NELL1: variants seen among roughly 807,000 people sequenced by gnomAD.
NELL1 encodes the protein neural EGFL like 1.
In NELL1, 76 loss-of-function variants were observed where a neutral mutation model predicts 107.4. The observed-to-expected ratio is 0.71, with a 90% CI of 0.59 to 0.86. The LOEUF is 0.86. Ranked by LOEUF, NELL1 falls within the 40% of genes least tolerant of loss-of-function variation. The pLI, the probability that NELL1 is intolerant of heterozygous loss-of-function variation, is 0.00. For missense variants in NELL1, 1,024 were observed against 1,005.5 expected (o/e 1.02, Z -0.25); for synonymous variants, 353 against 341.2 (o/e 1.03, Z -0.38).
chr11:21,314,702 G>C (rs919586373), intron 14 of NELL1, among the ~76,000 whole-genome samples: 2 of 152,158 alleles, frequency 1.3e-5, no homozygotes, highest in African/African-American at 4.8e-5. Flanking sequence ...AACAGGCAGA[G>C]GACAGGTACT....
At chr11:21,255,893 C>T (rs1349921691) in intron 14 of NELL1, among the ~76,000 whole-genome samples, 1 of 151,872 alleles carries the variant, frequency 6.6e-6, no homozygotes, top group Non-Finnish European at 1.5e-5. Context: ...TTGGAATTTT[C>T]TCTGGGTTTC....
intron 13 of NELL1, among the ~76,000 whole-genome samples, chr11:21,132,207 A>G (rs559275640): frequency 6.6e-6 from 1 of 150,940 alleles, no homozygotes; most frequent in Non-Finnish European, 1.5e-5. Context: ...GTGTGTGTGC[A>G]TGTCTGTGTG....
chr11:21,336,647 G>GTATATATATATATA (rs1350044303), intron 14 of NELL1, among the ~76,000 whole-genome samples: 8 of 70,700 alleles, frequency 1.1e-4, no homozygotes, highest in African/African-American at 3.3e-4. Context: ...CTTCATATGT[G>GTATATATATATATA]TGTGTATATA....
chr11:21,234,549 A>G (rs946498781), intron 14 of NELL1, among the ~76,000 whole-genome samples: 1 of 152,222 alleles, frequency 6.6e-6, no homozygotes, highest in African/African-American at 2.4e-5. Context: ...CTGCCTTTCA[A>G]AGAAAATCAC....
Position 20,921,796 on chromosome 11 carries a change from G to GTTTTTTTTTTTTTTTTTT in NELL1, c.759+2463_759+2464insTTTTTTTTTTTTTTTTTT, listed in dbSNP as rs34327396. Among the ~76,000 whole-genome samples, 4 of 137,144 alleles carry GTTTTTTTTTTTTTTTTTT rather than the reference G, an allele frequency of 2.9e-5. 2 individuals are homozygous for GTTTTTTTTTTTTTTTTTT. Among genetic ancestry groups the GTTTTTTTTTTTTTTTTTT allele is most frequent in the African/African-American group, 5.9e-5 (2 of 33,934 alleles). 90.0% of individuals were successfully genotyped at this position (137,144 alleles called of 152,430 possible). ...GAGCAAGGTCTCTTTTTTATTGTGT[G>GTTTTTTTTTTTTTTTTTT]TGTTTTTTTTTTTTTTTTAAGAACA... is the stretch of plus-strand genomic sequence containing the variant. On this transcript the variant is annotated intron_variant, in intron 7 of 19. Transcript: ENST00000357134.
chr11:20,962,735 C>T (rs1400500951), intron 12 of NELL1, among the ~76,000 whole-genome samples: 5 of 152,202 alleles, frequency 3.3e-5, no homozygotes, highest in Admixed American at 1.3e-4. Flanking sequence ...GGGCATGCTC[C>T]TGTTTAGCTC....
intron 10 of NELL1, among the ~76,000 whole-genome samples, chr11:20,940,040 C>T (rs1427543208): frequency 6.6e-6 from 1 of 152,138 alleles, no homozygotes; most frequent in African/African-American, 2.4e-5. Context: ...CAGCTAGAAT[C>T]CTATGAAGGC....
At chr11:21,215,406 T>C (rs1045144621) in intron 13 of NELL1, among the ~76,000 whole-genome samples, 3 of 152,062 alleles carry the variant, frequency 2.0e-5, no homozygotes, top group Admixed American at 2.0e-4. Flanking sequence ...ACTAATCCAG[T>C]AAATTGGTGT....
chr11:21,226,965 A>C (rs1857909700), intron 13 of NELL1, among the ~76,000 whole-genome samples: 1 of 152,218 alleles, frequency 6.6e-6, no homozygotes, highest in Non-Finnish European at 1.5e-5. Flanking sequence ...TTTGTAGGAC[A>C]GCAAAGATGC....
intron 2 of NELL1, among the ~76,000 whole-genome samples, chr11:20,768,112 G>A (rs1356261452): frequency 6.6e-6 from 1 of 152,196 alleles, no homozygotes; most frequent in East Asian, 1.9e-4. Context: ...TATTAATGAC[G>A]AACACTTCAT....
At chr11:21,185,172 G>T (rs1349453353) in intron 13 of NELL1, among the ~76,000 whole-genome samples, 1 of 151,468 alleles carries the variant, frequency 6.6e-6, no homozygotes, top group Non-Finnish European at 1.5e-5. Flanking sequence ...TATTGTAAAA[G>T]AATGTTTTCT....
chr11:20,819,259 G>A (rs963287743), intron 3 of NELL1, among the ~76,000 whole-genome samples: 9 of 152,134 alleles, frequency 5.9e-5, no homozygotes, highest in African/African-American at 2.2e-4. Flanking sequence ...AGATAAAAGC[G>A]GCAGAGTCTT....
At chr11:21,325,864 A>G (rs534456012) in intron 14 of NELL1, among the ~76,000 whole-genome samples, 25 of 152,104 alleles carry the variant, frequency 1.6e-4, no homozygotes, top group Non-Finnish European at 3.4e-4. Context: ...CTAGAACTTC[A>G]TATAAATGTA....
intron 2 of NELL1, among the ~76,000 whole-genome samples, chr11:20,781,838 G>A (rs542631891): frequency 1.4e-5 from 2 of 141,440 alleles, no homozygotes; most frequent in South Asian, 4.5e-4. Context: ...AGACCAGCCT[G>A]GGCAACATGG....
intron 4 of NELL1, among the ~76,000 whole-genome samples, chr11:20,879,602 G>A (rs1849370216): frequency 6.6e-6 from 1 of 152,084 alleles, no homozygotes; most frequent in East Asian, 1.9e-4. Flanking sequence ...GGTGTCAGGT[G>A]GGGCGGGGGT....
At chr11:21,000,460 C>T (rs1003618444) in intron 12 of NELL1, among the ~76,000 whole-genome samples, 3 of 152,060 alleles carry the variant, frequency 2.0e-5, no homozygotes, top group African/African-American at 7.2e-5. Context: ...AATCCTCTGA[C>T]GAAATCAGAT....
intron 14 of NELL1, chr11:21,285,022 C>G (rs191131146): frequency 6.3e-6 from 1 of 159,610 alleles, no homozygotes; most frequent in East Asian, 1.8e-4. Flanking sequence ...ACTCTTTCTG[C>G]TTTAAAAACC....
chr11:21,191,428 C>A (rs1425340368), intron 13 of NELL1, among the ~76,000 whole-genome samples: 1 of 151,828 alleles, frequency 6.6e-6, no homozygotes, highest in Non-Finnish European at 1.5e-5. Flanking sequence ...GAGATATTCC[C>A]TAGAAGTCCG....
At chr11:21,572,136 T>A (rs995768696) in intron 18 of NELL1, among the ~76,000 whole-genome samples, 2 of 151,808 alleles carry the variant, frequency 1.3e-5, no homozygotes, top group Non-Finnish European at 2.9e-5. Flanking sequence ...AGAATTAGTT[T>A]CCCTATGAGA....
Sources: gnomAD v4.1 joint callset for allele counts (sites outside exome capture counted in the v4.1 genomes callset) on GRCh38, gnomAD v4.1.1 for gene constraint, MANE v1.5 for transcripts, NCBI Gene and HGNC (gene_info 2026-07-23, HGNC 2026-07-21) for gene names.